Variants in MYL2 observed in about 807,000 individuals in gnomAD.
The protein encoded by MYL2 is myosin light chain 2, also known as myosin regulatory light chain 2, ventricular/cardiac muscle isoform.
A neutral mutation model predicts 23.0 loss-of-function variants in MYL2; 19 were observed. The observed-to-expected ratio is 0.83, with a 90% CI of 0.58 to 1.21. MYL2 has a LOEUF of 1.21. Among genes scored for constraint, MYL2 ranks in the 50% most tolerant of loss-of-function variants. The pLI is 0.00. For missense variants in MYL2, 180 were observed against 215.1 expected, an observed-to-expected ratio of 0.84 and a Z score of 1.02; for synonymous variants, 78 against 76.2, an observed-to-expected ratio of 1.02 and a Z score of -0.13.
At chr12:110,915,867 G>T in intron 2 of MYL2, 77 bp from the exon 3 acceptor site, 1 of 1,160,694 alleles carries the variant, frequency 8.6e-7, no homozygotes, top group Non-Finnish European at 1.3e-6. Context: ...CCAAGGACTT[G>T]GCAGGAGTGG....
At position 110,918,921 on chromosome 12, in the gene MYL2, CAG is replaced by C. The variant is rs1423130393; in HGVS notation, c.93+181_93+182del. 1 of 592,268 alleles carries C rather than the reference CAG, an allele frequency of 1.7e-6. No individual in the cohort carries two copies. The highest frequency in any genetic ancestry group is 2.7e-5 in the African/African-American group (1 of 36,870). 36.7% of individuals were successfully genotyped at this position (592,268 alleles called of 1,614,324 possible). On this transcript the variant is annotated intron_variant, in intron 2 of 6. Transcript: ENST00000228841. The surrounding 1 kb of genome is among the most constrained non-coding windows in gnomAD (Gnocchi z 4.4). ...ATGGAATATGTTTTACTTTGATAATCAGTGAAAATATTAAAAATAGTTTCTTT... is the reference window on the plus strand; with the variant it reads ...ATGGAATATGTTTTACTTTGATAATCTGAAAATATTAAAAATAGTTTCTTT...
At chr12:110,915,620 G>T in intron 3 of MYL2, 95 bp downstream of exon 3, 3 of 1,263,778 alleles carry the variant, frequency 2.4e-6, no homozygotes, top group Non-Finnish European at 3.5e-6. Context: ...TTTGGGAAAT[G>T]ACACCATCTT....
rs886048962 is a variant in MYL2, at chr12:110,920,541, C to G, written c.-12G>C. The G allele has an allele frequency of 2.5e-6, 4 of 1,614,156 alleles. No homozygotes were observed. The highest frequency in any genetic ancestry group is 3.4e-6 in the Non-Finnish European group (4 of 1,180,030). On this transcript the variant is annotated 5_prime_UTR_variant, in exon 1 of 7. Transcript: ENST00000228841. ...CTTGTACTCACCATGGTGGAAAGGA[C>G]CCAGCACTGCCTCCCGAGAAGAATT...
chr12:110,920,392 C>T, intron 1 of MYL2, 135 bp downstream of exon 1: 1 of 1,308,366 alleles, frequency 7.6e-7, no homozygotes. Flanking sequence ...CCCGCGCAGT[C>T]AATGGGGCTT....
intron 2 of MYL2, among the ~76,000 whole-genome samples, chr12:110,916,917 C>T (rs754001196): frequency 3.3e-5 from 5 of 152,252 alleles, no homozygotes; most frequent in African/African-American, 4.8e-5. Flanking sequence ...GGTGCAATCT[C>T]GGCTCACTGT....
At position 110,911,179 on chromosome 12, in the gene MYL2, C is replaced by A; in HGVS notation, c.403-4G>T. The A allele has an allele frequency of 1.3e-6, 2 of 1,575,780 alleles. No homozygotes were observed. The highest frequency in any genetic ancestry group is 1.7e-6 in the Non-Finnish European group (2 of 1,157,908). On this transcript the variant is annotated splice_polypyrimidine_tract_variant and splice_region_variant and intron_variant, in intron 6 of 6. Transcript: ENST00000228841. Reference sequence around the variant, plus strand: ...AGGCGGCGAACATCTGGTCAACCTGCAATGAGCCAGCAACACGTGCTAAGG... The same window carrying A: ...AGGCGGCGAACATCTGGTCAACCTGAAATGAGCCAGCAACACGTGCTAAGG...
chr12:110,920,482 C>G (rs1372436850), intron 1 of MYL2, 45 bp downstream of exon 1: 1 of 1,613,972 alleles, frequency 6.2e-7, no homozygotes, highest in African/African-American at 1.3e-5. Context: ...GGCTTCCTCT[C>G]CTCGCCCACC....
intron 6 of MYL2, among the ~76,000 whole-genome samples, chr12:110,912,050 G>A (rs1316257595): frequency 6.6e-6 from 1 of 152,204 alleles, no homozygotes; most frequent in Non-Finnish European, 1.5e-5. Context: ...AAAGCACACA[G>A]CAGGTGGAAA....
At chr12:110,920,458 C>T in intron 1 of MYL2, 69 bp downstream of exon 1, 1 of 1,612,322 alleles carries the variant, frequency 6.2e-7, no homozygotes, top group Non-Finnish European at 8.5e-7. Flanking sequence ...CCGCCGTGGT[C>T]CCTCGCTTGT....
intron 2 of MYL2, among the ~76,000 whole-genome samples, chr12:110,917,951 G>C (rs2071697431): frequency 6.6e-6 from 1 of 152,196 alleles, no homozygotes; most frequent in African/African-American, 2.4e-5. Context: ...GGGCACAGTG[G>C]TGTGTACCTG....
upstream of MYL2, chr12:110,920,787 G>A (rs755306912): frequency 2.5e-5 from 15 of 599,156 alleles, no homozygotes; most frequent in African/African-American, 3.7e-5. Flanking sequence ...CAGTAGCTGG[G>A]TCATGGTCAC....
chr12:110,913,301 G>C lies in MYL2; in HGVS notation c.298C>G (p.Leu100Val), dbSNP rs573898913. Residue 100 changes from leucine to valine, a missense_variant, in exon 5 of 7, where the codon CTC (leucine) becomes GTC (valine). Leu to Val is a conservative substitution (Grantham distance 32, BLOSUM62 1). Transcript: ENST00000228841. ...GGGTCAAACACTTTGAATGCGTTGA[G>C]AATGGTTTCCTCAGGGTCCGCTCCT... ...LKGADPEETI[L>V]NAFKVFDPEG... is the part of the protein sequence containing the mutation. The C allele has an allele frequency of 1.2e-5, 20 of 1,614,214 alleles. No homozygotes were observed. The South Asian group carries it at 2.2e-4, about 18-fold the overall frequency.
At chr12:110,916,208 T>C (rs2071686908) in intron 2 of MYL2, among the ~76,000 whole-genome samples, 1 of 152,166 alleles carries the variant, frequency 6.6e-6, no homozygotes, top group Admixed American at 6.5e-5. Context: ...TGGTGGCGCA[T>C]GCCTGTAATC....
chr12:110,915,144 T>C (rs1220435275), intron 3 of MYL2, among the ~76,000 whole-genome samples: 3 of 152,224 alleles, frequency 2.0e-5, no homozygotes, highest in African/African-American at 7.2e-5. Flanking sequence ...CCCTGTAGAA[T>C]TGTGCAGTGC....
intron 2 of MYL2, among the ~76,000 whole-genome samples, chr12:110,916,839 CTATTTATT>C (rs199753906): frequency 1.3e-5 from 2 of 151,802 alleles, no homozygotes; most frequent in Non-Finnish European, 2.9e-5. Flanking sequence ...CTCTATAAAG[CTATTTATT>C]TATTTATTTA....
upstream of MYL2, chr12:110,920,741 C>T (rs527262977): frequency 1.2e-4 from 81 of 663,452 alleles, 1 homozygote; most frequent in South Asian, 1.1e-3. Context: ...CTGGGTGACA[C>T]GTGAGCCCCC....
chr12:110,913,355 G>A, intron 4 of MYL2, 31 bp from the exon 5 acceptor site: 1 of 1,613,014 alleles, frequency 6.2e-7, no homozygotes, highest in Non-Finnish European at 8.5e-7. Context: ...TACATGTACT[G>A]GGGGTGGCTG....
chr12:110,912,678 C>T (rs956708274), intron 6 of MYL2, among the ~76,000 whole-genome samples: 2 of 152,200 alleles, frequency 1.3e-5, no homozygotes, highest in East Asian at 1.9e-4. Flanking sequence ...TCGTGCCATG[C>T]GTCAGCCTCC....
At position 110,915,804 on chromosome 12, in the gene MYL2, G is replaced by A. The variant is rs1566149364; in HGVS notation, c.94-14C>T. On this transcript the variant is annotated splice_polypyrimidine_tract_variant and intron_variant, in intron 2 of 6. Transcript: ENST00000228841. ...GATAGTGAAGGCCTGTGGAAGGGAA[G>A]TGATTGGCAGCTCAGCCTGGGAGAA... 1 of 1,613,018 alleles carries A rather than the reference G, an allele frequency of 6.2e-7. No individual in the cohort carries two copies. The highest frequency in any genetic ancestry group is 8.5e-7 in the Non-Finnish European group (1 of 1,179,056).
Sources: allele counts gnomAD v4.1 joint callset (sites outside exome capture counted in the v4.1 genomes callset), GRCh38; gene constraint gnomAD v4.1.1; non-coding constraint Gnocchi (gnomAD v3.1); transcripts MANE v1.5; gene names NCBI Gene and HGNC (gene_info 2026-07-23, HGNC 2026-07-21).